FAM107B: variants seen among roughly 807,000 people sequenced by gnomAD.
FAM107B encodes the protein family with sequence similarity 107 member B.
Under a neutral mutation model 31.5 loss-of-function variants are expected in FAM107B, and 21 were observed. That is an observed-to-expected ratio of 0.67 (90% CI 0.47 to 0.96). FAM107B has a LOEUF of 0.96. FAM107B is among the 40% of genes least tolerant of loss of function. The probability of loss-of-function intolerance (pLI) is 0.00; values close to 1 mark genes in which losing one functional copy is unlikely to be tolerated. For synonymous variants in FAM107B, 157 were observed against 141.5 expected, an observed-to-expected ratio of 1.11 and a Z score of -0.78; for missense variants, 452 against 377.1, an observed-to-expected ratio of 1.20 and a Z score of -1.64.
At chr10:14,538,903 A>G (rs1315338036) in intron 2 of FAM107B, among the ~76,000 whole-genome samples, 1 of 152,210 alleles carries the variant, frequency 6.6e-6, no homozygotes, top group African/African-American at 2.4e-5. Context: ...TGATTTTATA[A>G]AATTATTTAA....
At chr10:14,610,503 A>G (rs772940033) in intron 2 of FAM107B, among the ~76,000 whole-genome samples, 3 of 152,278 alleles carry the variant, frequency 2.0e-5, no homozygotes, top group Non-Finnish European at 2.9e-5. Context: ...ATGCCTTTCA[A>G]TAAAGAGACT....
chr10:14,652,043 G>A (rs1409138845), intron 2 of FAM107B, among the ~76,000 whole-genome samples: 2 of 152,210 alleles, frequency 1.3e-5, no homozygotes, highest in African/African-American at 2.4e-5. Flanking sequence ...TACAGTCGGA[G>A]AGAAGGGCCA....
chr10:14,713,502 G>A (rs935622046), intron 1 of FAM107B, among the ~76,000 whole-genome samples: 19 of 152,146 alleles, frequency 1.2e-4, no homozygotes, highest in East Asian at 1.9e-4. Context: ...GGGAAACAGC[G>A]GAAAACTGAG....
chr10:14,716,077 G>A (rs992092323), intron 1 of FAM107B, among the ~76,000 whole-genome samples: 4 of 152,166 alleles, frequency 2.6e-5, no homozygotes, highest in Admixed American at 2.6e-4. Flanking sequence ...GGCATCCAGG[G>A]TATATAGAAG....
chr10:14,722,386 T>G (rs890736558), intron 1 of FAM107B, among the ~76,000 whole-genome samples: 4 of 152,244 alleles, frequency 2.6e-5, no homozygotes, highest in Non-Finnish European at 4.4e-5. Context: ...CCCTTTTCAT[T>G]GCCAAACAAT....
In FAM107B at chr10:14,678,325, T is replaced by C. The variant is rs116206580; in HGVS notation, c.412-10634A>G. Among the ~76,000 whole-genome samples the C allele has an allele frequency of 4.2e-3, 637 of 152,290 alleles. 4 individuals are homozygous for C. The highest frequency in any genetic ancestry group is 0.014 in the African/African-American group (576 of 41,556). ...CTTTCTTCCTCGGTGGGATGGTGGG[T>C]ATGTGTTTTCTGTCCATTGAACACT... On this transcript the variant is annotated intron_variant, in intron 1 of 4. Coordinates refer to ENST00000181796, the MANE Select transcript of FAM107B (RefSeq NM_031453.4).
intron 1 of FAM107B, among the ~76,000 whole-genome samples, chr10:14,703,568 CA>C (rs1855454040): frequency 6.6e-6 from 1 of 152,146 alleles, no homozygotes; most frequent in Non-Finnish European, 1.5e-5. Context: ...CTCCTGGCCT[CA>C]AGTGATACAC....
At chr10:14,521,845 C>T (rs749569396) in intron 4 of FAM107B, 24 bp downstream of exon 4, 1 of 1,602,072 alleles carries the variant, frequency 6.2e-7, no homozygotes, top group Non-Finnish European at 8.5e-7. Context: ...CAAAAAAAGA[C>T]AGCTTCCAGC....
chr10:14,669,323 T>C (rs773308346), intron 1 of FAM107B, among the ~76,000 whole-genome samples: 15 of 145,862 alleles, frequency 1.0e-4, no homozygotes, highest in Non-Finnish European at 1.5e-4. Flanking sequence ...TGAGCTGAGA[T>C]TGCACCACTG....
At chr10:14,641,796 A>G (rs555326796) in intron 2 of FAM107B, among the ~76,000 whole-genome samples, 1 of 152,150 alleles carries the variant, frequency 6.6e-6, no homozygotes, top group African/African-American at 2.4e-5. Context: ...CAGGAGGGAG[A>G]CATAATTCAG....
At chr10:14,712,261 T>C (rs556223630) in intron 1 of FAM107B, among the ~76,000 whole-genome samples, 1 of 152,222 alleles carries the variant, frequency 6.6e-6, no homozygotes, top group African/African-American at 2.4e-5. Context: ...ATCTACTTTA[T>C]ACTCACAAAA....
chr10:14,768,912 A>G (rs73588548), intron 1 of FAM107B, among the ~76,000 whole-genome samples: 6,538 of 152,120 alleles, frequency 0.043, 421 homozygotes, highest in African/African-American at 0.14. Flanking sequence ...TGCTGTCCCT[A>G]TTAGGTTTAT....
At chr10:14,619,504 T>G (rs1176440563) in intron 2 of FAM107B, among the ~76,000 whole-genome samples, 2 of 152,206 alleles carry the variant, frequency 1.3e-5, no homozygotes, top group Non-Finnish European at 2.9e-5. Context: ...TGTTCCAGTC[T>G]TTTATCCAGT....
chr10:14,521,128 T>C lies in FAM107B; in HGVS notation c.*62A>G. The C allele has an allele frequency of 1.5e-6, 2 of 1,303,198 alleles. No homozygotes were observed. Among genetic ancestry groups the C allele is most frequent in the East Asian group, 2.4e-5 (1 of 41,756 alleles). The allele number at this position is 1,303,198 out of a possible 1,614,324, so 80.7% of individuals were successfully genotyped here. A position where few individuals can be genotyped will look rare whatever the true frequency, so the allele number is the denominator to read the frequency against. On this transcript the variant is annotated 3_prime_UTR_variant, in exon 5 of 5. Coordinates refer to ENST00000181796, the MANE Select transcript of FAM107B (RefSeq NM_031453.4). ...TTCTCCAGGGGCTTTTGCCCTGAGA[T>C]TGAGAAGGCACCCACAGACAGCTCT...
At chr10:14,571,424 A>G (rs1361246604) in intron 2 of FAM107B, among the ~76,000 whole-genome samples, 1 of 152,250 alleles carries the variant, frequency 6.6e-6, no homozygotes, top group African/African-American at 2.4e-5. Flanking sequence ...TTAATAGAGC[A>G]TGGATAAAAT....
chr10:14,628,498 T>C (rs1853235395), intron 2 of FAM107B, among the ~76,000 whole-genome samples: 1 of 152,150 alleles, frequency 6.6e-6, no homozygotes, highest in South Asian at 2.1e-4. Context: ...CCCAATGCAC[T>C]AGGAATGGAA....
At chr10:14,548,387 T>C (rs1848913915) in intron 2 of FAM107B, 17 of 982,556 alleles carry the variant, frequency 1.7e-5, no homozygotes, top group Non-Finnish European at 2.1e-5. Context: ...GGGGAGGTAC[T>C]TGTGCCCTTG....
chr10:14,759,122 A>G (rs1400298116), intron 1 of FAM107B, among the ~76,000 whole-genome samples: 5 of 151,504 alleles, frequency 3.3e-5, no homozygotes, highest in African/African-American at 9.7e-5. Flanking sequence ...GGTTGCAGTG[A>G]GCCGAGATCG....
intron 2 of FAM107B, among the ~76,000 whole-genome samples, chr10:14,538,070 T>C (rs1331104182): frequency 6.6e-6 from 1 of 152,168 alleles, no homozygotes; most frequent in African/African-American, 2.4e-5. Flanking sequence ...TGGGCTGGGA[T>C]GATGGATGGA....
Sources: allele counts gnomAD v4.1 joint callset (sites outside exome capture counted in the v4.1 genomes callset), GRCh38; gene constraint gnomAD v4.1.1; transcripts MANE v1.5; gene names NCBI Gene and HGNC (gene_info 2026-07-23, HGNC 2026-07-21).